The following FGF12 variants were observed in gnomAD, a reference collection of about 807,000 sequenced individuals.
FGF12 encodes fibroblast growth factor 12B.
Under a neutral mutation model 23.6 loss-of-function variants are expected in FGF12, and 14 were observed. The observed-to-expected ratio is 0.59, with a 90% confidence interval of 0.39 to 0.93. The LOEUF (loss-of-function observed/expected upper bound fraction) is 0.93. Ranked by LOEUF, FGF12 falls within the 40% of genes least tolerant of loss-of-function variation. The pLI, the probability that FGF12 is intolerant of heterozygous loss-of-function variation, is 0.00. For missense variants in FGF12, 175 were observed against 217.8 expected, an observed-to-expected ratio of 0.80 and a Z score of 1.24; for synonymous variants, 62 against 77.3, an observed-to-expected ratio of 0.80 and a Z score of 1.04.
At chr3:192,588,069 G>A (rs1192117324) in intron 2 of FGF12, among the ~76,000 whole-genome samples, 4 of 151,726 alleles carry the variant, frequency 2.6e-5, no homozygotes, top group African/African-American at 7.2e-5. Flanking sequence ...ATCCAGGCCG[G>A]GCGCAGCAGC....
At chr3:192,356,084 T>C (rs1718459848) in intron 3 of FGF12, among the ~76,000 whole-genome samples, 1 of 152,178 alleles carries the variant, frequency 6.6e-6, no homozygotes, top group African/African-American at 2.4e-5. Context: ...CACATACTTA[T>C]CTTACCTATT....
At chr3:192,681,097 C>A (rs936880737) in intron 2 of FGF12, among the ~76,000 whole-genome samples, 2 of 152,132 alleles carry the variant, frequency 1.3e-5, no homozygotes, top group Admixed American at 1.3e-4. Flanking sequence ...TATAAGCCAC[C>A]TGGCTCAATA....
At chr3:192,307,527 T>G (rs11925470) in intron 4 of FGF12, among the ~76,000 whole-genome samples, 1 of 152,190 alleles carries the variant, frequency 6.6e-6, no homozygotes, top group Non-Finnish European at 1.5e-5. Flanking sequence ...CAATGCTAGA[T>G]AGCAGAGACA....
chr3:192,335,342 C>T lies in FGF12; in HGVS notation c.228+19G>A, dbSNP rs750088457. On this transcript the variant is annotated intron_variant, in intron 4 of 5. Transcript: ENST00000445105. The stretch of plus-strand genomic sequence containing the variant: ...TAGTTCACACACATACACACAAATA[C>T]ACACTACAATGTACTTACTGAACTG... 11 of 1,518,898 alleles carry T rather than the reference C, an allele frequency of 7.2e-6. No individual in the cohort carries two copies. The highest frequency in any genetic ancestry group is 9.1e-6 in the Non-Finnish European group (10 of 1,093,828). 94.1% of individuals were successfully genotyped at this position (1,518,898 alleles called of 1,614,324 possible). A position where few individuals can be genotyped will look rare whatever the true frequency, so the allele number is the denominator to read the frequency against.
chr3:192,444,279 ACTT>A (rs892706090), intron 2 of FGF12, among the ~76,000 whole-genome samples: 15 of 152,104 alleles, frequency 9.9e-5, no homozygotes, highest in African/African-American at 3.1e-4. Context: ...ATTTGAGCTC[ACTT>A]TTTTTCAAAC....
chr3:192,636,509 T>C (rs574807771), intron 2 of FGF12, among the ~76,000 whole-genome samples: 28 of 152,356 alleles, frequency 1.8e-4, no homozygotes, highest in African/African-American at 6.7e-4. Context: ...AATAGTTTCA[T>C]AAATCTCTTC....
intron 5 of FGF12, among the ~76,000 whole-genome samples, chr3:192,164,875 G>A (rs913790813): frequency 7.9e-5 from 12 of 152,150 alleles, no homozygotes; most frequent in African/African-American, 2.7e-4. Context: ...TTTTCTAATC[G>A]TTTTCTAAAA....
At chr3:192,599,618 T>C (rs1253004416) in intron 2 of FGF12, among the ~76,000 whole-genome samples, 4 of 152,076 alleles carry the variant, frequency 2.6e-5, no homozygotes, top group African/African-American at 9.7e-5. Context: ...AGAGTAATTA[T>C]AATGGAGGGA....
chr3:192,224,297 C>A (rs1718619445), intron 4 of FGF12, among the ~76,000 whole-genome samples: 1 of 152,220 alleles, frequency 6.6e-6, no homozygotes, highest in African/African-American at 2.4e-5. Context: ...TAAATACTTT[C>A]TACTCCAGTC....
chr3:192,605,281 G>C (rs1362902360), intron 2 of FGF12, among the ~76,000 whole-genome samples: 1 of 151,724 alleles, frequency 6.6e-6, no homozygotes, highest in African/African-American at 2.4e-5. Context: ...GGAGGCTGAG[G>C]CAGGCAGGAG....
chr3:192,286,238 G>A (rs181647330), intron 4 of FGF12, among the ~76,000 whole-genome samples: 72 of 152,016 alleles, frequency 4.7e-4, no homozygotes, highest in Non-Finnish European at 7.7e-4. Context: ...TGCTGTTGGC[G>A]CCCATCAGAG....
intron 2 of FGF12, among the ~76,000 whole-genome samples, chr3:192,576,498 TTAAAG>T (rs1173406411): frequency 2.6e-5 from 4 of 152,194 alleles, no homozygotes; most frequent in Non-Finnish European, 5.9e-5. Context: ...ATTGTGTGAC[TTAAAG>T]TAAAGAGTAA....
intron 4 of FGF12, among the ~76,000 whole-genome samples, chr3:192,178,213 A>G (rs1266756371): frequency 1.3e-5 from 2 of 152,132 alleles, no homozygotes; most frequent in Non-Finnish European, 2.9e-5. Flanking sequence ...CTTTATAGCT[A>G]TATTATTCAT....
At chr3:192,420,695 A>ATGC (rs1468309268) in intron 2 of FGF12, among the ~76,000 whole-genome samples, 2 of 152,188 alleles carry the variant, frequency 1.3e-5, no homozygotes, top group African/African-American at 4.8e-5. Flanking sequence ...CCAGAGACAG[A>ATGC]TGCTGGTGCC....
intron 4 of FGF12, among the ~76,000 whole-genome samples, chr3:192,323,106 T>C (rs1311866193): frequency 6.6e-6 from 1 of 152,170 alleles, no homozygotes; most frequent in Admixed American, 6.5e-5. Flanking sequence ...AAGGGAAAAC[T>C]TCAACACTGT....
chr3:192,314,444 C>A (rs1479693519), intron 4 of FGF12, among the ~76,000 whole-genome samples: 1 of 152,136 alleles, frequency 6.6e-6, no homozygotes, highest in East Asian at 1.9e-4. Flanking sequence ...ATAAAGGCAC[C>A]ATCTCTTCCT....
At chr3:192,286,583 G>A (rs939654220) in intron 4 of FGF12, among the ~76,000 whole-genome samples, 4 of 151,892 alleles carry the variant, frequency 2.6e-5, no homozygotes, top group Admixed American at 1.3e-4. Flanking sequence ...ATGTTAAATC[G>A]TCTCCCAAAA....
chr3:192,624,416 A>G (rs1715089644), intron 2 of FGF12, among the ~76,000 whole-genome samples: 1 of 152,138 alleles, frequency 6.6e-6, no homozygotes, highest in Non-Finnish European at 1.5e-5. Context: ...AGCGAATGCT[A>G]CAGATAAACT....
intron 2 of FGF12, among the ~76,000 whole-genome samples, chr3:192,420,776 G>T (rs2108783994): frequency 6.6e-6 from 1 of 152,110 alleles, no homozygotes; most frequent in African/African-American, 2.4e-5. Flanking sequence ...CCAACCTCAG[G>T]TATTTGTTTT....
Sources: gnomAD v4.1 joint callset for allele counts (sites outside exome capture counted in the v4.1 genomes callset) on GRCh38, gnomAD v4.1.1 for gene constraint, MANE v1.5 for transcripts, NCBI Gene and HGNC (gene_info 2026-07-23, HGNC 2026-07-21) for gene names.